Variants in EVPL observed in about 807,000 individuals in gnomAD.
The protein encoded by EVPL is 210 kDa cornified envelope precursor protein.
A neutral mutation model predicts 129.7 loss-of-function variants in EVPL; 94 were observed. The ratio of observed to expected loss-of-function variants is 0.72; its 90% CI spans 0.61 to 0.86. The LOEUF is 0.86. EVPL is among the 40% of genes least tolerant of loss of function. The probability of loss-of-function intolerance (pLI) is 0.00; values close to 1 mark genes in which losing one functional copy is unlikely to be tolerated. For missense variants in EVPL, 2,625 were observed against 2,721.1 expected (o/e 0.96, Z 0.79); for synonymous variants, 1,172 against 1,191.1 (o/e 0.98, Z 0.33).
chr17:76,014,638 C>T (rs1266363659), intron 17 of EVPL, 62 bp from the exon 18 acceptor site: 20 of 1,571,106 alleles, frequency 1.3e-5, no homozygotes, highest in Non-Finnish European at 1.7e-5. Context: ...GGGGCAGGTG[C>T]ACAGGGAGGC....
In EVPL at chr17:76,009,891, C is replaced by T. The variant is rs115192818; in HGVS notation, c.3314G>A (p.Arg1105Gln). 19 of 1,614,134 alleles carry T rather than the reference C, an allele frequency of 1.2e-5. 1 individual carries two copies. The highest frequency in any genetic ancestry group is 6.7e-5 in the African/African-American group (5 of 75,050). ...LRLQMEEDAA[R>Q]RKQAEEAVAK... ...CACAGCCTCCTCCGCCTGCTTCCTC[C>T]GCGCAGCATCCTCCTCCATCTGCAG... The change falls in exon 22 of 22, where the codon CGG (arginine) becomes CAG (glutamine). Residue 1105 changes from arginine (R) to glutamine (Q), a missense_variant. Arg to Gln is a conservative substitution (Grantham distance 43). Coordinates refer to ENST00000301607, the MANE Select transcript of EVPL (RefSeq NM_001988.4). This position sits in a 1 kb window ranked among gnomAD's most constrained non-coding sequence, Gnocchi z 5.9.
chr17:76,014,563 G>T lies in EVPL; in HGVS notation c.2236C>A (p.Gln746Lys). The T allele has an allele frequency of 6.2e-7, 1 of 1,612,252 alleles. No individual in the cohort carries two copies. Among genetic ancestry groups the T allele is most frequent in the Non-Finnish European group, 8.5e-7 (1 of 1,179,620 alleles). ...DQLDLREKVV[Q>K]DAALTYQQFK... The stretch of plus-strand genomic sequence containing the variant: ...TGCTGGTAGGTGAGGGCGGCATCCT[G>T]CACCACCTTCTCCCTGCAGGAGGAC... The change falls in exon 18 of 22, where the codon CAG (glutamine) becomes AAG (lysine). Residue 746 changes from glutamine (Q) to lysine (K), a missense_variant. Gln to Lys is a moderately conservative substitution (Grantham distance 53, BLOSUM62 1). This residue lies in a region of EVPL where 1,024 missense variants were observed against 997.5 expected (regional missense o/e 1.03). Coordinates refer to ENST00000301607, the MANE Select transcript of EVPL (RefSeq NM_001988.4).
rs1452331635 is a variant in EVPL at position 76,022,576 on chromosome 17, C to T, written c.481-38G>A. ...CGGCGGCTCAGTCCCCAAAGGACCG[C>T]GGTGGGGAGCCAGAGAACCCCACAC... On this transcript the variant is annotated intron_variant, in intron 4 of 21. Coordinates refer to ENST00000301607, the MANE Select transcript of EVPL (RefSeq NM_001988.4). This position sits in a 1 kb window ranked among gnomAD's most constrained non-coding sequence, Gnocchi z 5.6. 2.6e-6 allele frequency: 4 copies of T among 1,560,144 alleles called. No homozygotes were observed. The highest frequency in any genetic ancestry group is 1.2e-5 in the South Asian group (1 of 85,912).
Position 76,008,168 on chromosome 17 carries a change from C to T in EVPL, c.5037G>A (p.Glu1679=), listed in dbSNP as rs757573467. Residue 1679 remains glutamate (E), a synonymous_variant, in exon 22 of 22, where the codon GAG becomes GAA. Coordinates refer to ENST00000301607, the MANE Select transcript of EVPL (RefSeq NM_001988.4). This position sits in a 1 kb window ranked among gnomAD's most constrained non-coding sequence, Gnocchi z 7.4. The part of the protein sequence containing the change: ...EELSQETQTR[E]TNLSTKISIL... ...TGGAGATCTTGGTGGAAAGGTTGGT[C>T]TCTCGCGTCTGGGTCTCCTGGCTGA... The T allele has an allele frequency of 1.2e-6, 2 of 1,614,028 alleles. No homozygotes were observed. The highest frequency in any genetic ancestry group is 1.1e-5 in the South Asian group (1 of 91,084).
chr17:76,022,412 C>G lies in EVPL; in HGVS notation c.606+1G>C, dbSNP rs746047975. ...ATGTGACATCCTCCAGGCTCACCTACCGGCCCCACGAGGCTCCGCAGCTGC... is the reference window on the plus strand; with the variant it reads ...ATGTGACATCCTCCAGGCTCACCTAGCGGCCCCACGAGGCTCCGCAGCTGC... On this transcript the variant is annotated splice_donor_variant, in intron 5 of 21. Transcript: ENST00000301607. LOFTEE classifies it high-confidence loss of function. This position sits in a 1 kb window ranked among gnomAD's most constrained non-coding sequence, Gnocchi z 5.6. 6.2e-7 allele frequency: 1 copy of G among 1,613,646 alleles called. No individual in the cohort carries two copies. The highest frequency in any genetic ancestry group is 2.2e-5 in the East Asian group (1 of 44,876).
intron 1 of EVPL, among the ~76,000 whole-genome samples, chr17:76,026,232 T>C (rs919758756): frequency 2.1e-5 from 3 of 143,698 alleles, no homozygotes; most frequent in Non-Finnish European, 4.5e-5. Context: ...GCGTGAGGTA[T>C]TGCGCCAGGA....
chr17:76,010,438 C>T lies in EVPL; in HGVS notation c.2767G>A (p.Glu923Lys). The change falls in exon 22 of 22, where the codon GAG becomes AAG. Residue 923 changes from glutamate (E) to lysine (K), a missense_variant. Around this residue, in one of 4 missense-constraint regions of EVPL, gnomAD observed 1,453 missense variants for 1,511.8 expected, o/e 0.96. Transcript: ENST00000301607. ...ESEALKAQLE[E>K]ERKRVARVQH... Reference sequence around the variant, plus strand: ...ACCCGGGCCACCCGCTTCCTCTCCTCTTCCAGCTGGGCCTTCAGGGCCTCT... The same window carrying T: ...ACCCGGGCCACCCGCTTCCTCTCCTTTTCCAGCTGGGCCTTCAGGGCCTCT... 1 of 1,614,066 alleles carries T rather than the reference C, an allele frequency of 6.2e-7. No individual in the cohort carries two copies. The highest frequency in any genetic ancestry group is 8.5e-7 in the Non-Finnish European group (1 of 1,180,016).
In EVPL at chr17:76,013,393, C is replaced by T. The variant is rs1442752565; in HGVS notation, c.2373+1033G>A. 2.0e-5 allele frequency among the ~76,000 whole-genome samples: 3 copies of T among 152,260 alleles called. No homozygotes were observed. The highest frequency in any genetic ancestry group is 3.9e-4 in the East Asian group (2 of 5,176). On this transcript the variant is annotated intron_variant, in intron 18 of 21. Coordinates refer to ENST00000301607, the MANE Select transcript of EVPL (RefSeq NM_001988.4). The surrounding 1 kb of genome is among the most constrained non-coding windows in gnomAD (Gnocchi z 4.3). The stretch of plus-strand genomic sequence containing the variant: ...CACGAGCTCCTAGGGGAACCCCCAG[C>T]CCCAGTTCCCTCCCATATGCCTACG...
At position 76,022,255 on chromosome 17, in the gene EVPL, C is replaced by A. The variant is rs1246554068; in HGVS notation, c.607-28G>T. ...GCCTCGACCAAGGGGAGAAACAAGC[C>A]CGTGAGAGGTGGGGTGCAGGGAGAC... On this transcript the variant is annotated intron_variant, in intron 5 of 21. Transcript: ENST00000301607. This position sits in a 1 kb window ranked among gnomAD's most constrained non-coding sequence, Gnocchi z 5.6. 2 of 1,612,714 alleles carry A rather than the reference C, an allele frequency of 1.2e-6. No individual in the cohort carries two copies. The highest frequency in any genetic ancestry group is 1.3e-5 in the African/African-American group (1 of 75,010).
chr17:76,012,710 G>C (rs894153648), intron 18 of EVPL, among the ~76,000 whole-genome samples: 2 of 151,574 alleles, frequency 1.3e-5, no homozygotes, highest in African/African-American at 4.9e-5. Context: ...AGCAGGTCCG[G>C]GTGGCCCTGA....
Position 76,011,755 on chromosome 17 carries a change from G to T in EVPL, c.2568+17C>A. ...CTGGTGTCAAGGTCCACTGAGCCCC[G>T]CAAGGTCCCATCTCACCTGGGCTTG... is the stretch of plus-strand genomic sequence containing the variant. On this transcript the variant is annotated intron_variant, in intron 20 of 21. Transcript: ENST00000301607. 6.2e-7 allele frequency: 1 copy of T among 1,610,550 alleles called. No individual in the cohort carries two copies. The highest frequency in any genetic ancestry group is 1.7e-4 in the Middle Eastern group (1 of 6,046).
chr17:76,016,233 A>G (rs1366085004), intron 14 of EVPL, among the ~76,000 whole-genome samples: 1 of 152,276 alleles, frequency 6.6e-6, no homozygotes, highest in Non-Finnish European at 1.5e-5. Context: ...CGCCAGGCAC[A>G]GTTACCTACA....
chr17:76,021,596 G>GCCCCCCCCCCCCCCCCCCCCC (rs200115767), intron 8 of EVPL, 33 bp from the exon 9 acceptor site: 2 of 1,379,530 alleles, frequency 1.4e-6, no homozygotes, highest in Non-Finnish European at 1.9e-6. Flanking sequence ...CTCGGACCAC[G>GCCCCCCCCCCCCCCCCCCCCC]CCCCCCCCAC....
rs199792999 is a variant in EVPL at position 76,011,639 on chromosome 17, C to T, written c.2598G>A (p.Glu866=). The T allele has an allele frequency of 3.7e-5, 60 of 1,614,186 alleles. No homozygotes were observed. In the East Asian group the frequency reaches 7.8e-4, roughly 21 times the overall value. The stretch of plus-strand genomic sequence containing the variant: ...GCAGCTGCTGCTGTGCTGCTGCAAC[C>T]TCAGTATAGGCCTTTGCAAGGTTCT... ...QEKNLAKAYT[E]VAAAQQQLLQ... is the part of the protein sequence containing the mutation. Residue 866 remains glutamate, a synonymous_variant, in exon 21 of 22, where the codon GAG becomes GAA. Coordinates refer to ENST00000301607, the MANE Select transcript of EVPL (RefSeq NM_001988.4).
intron 1 of EVPL, among the ~76,000 whole-genome samples, chr17:76,026,140 C>A (rs1480615492): frequency 6.6e-6 from 1 of 151,862 alleles, no homozygotes; most frequent in African/African-American, 2.4e-5. Flanking sequence ...GACGGGATTT[C>A]ATCATGTTGC....
In EVPL at chr17:76,010,299, T is replaced by G; in HGVS notation, c.2906A>C (p.Glu969Ala). 6.2e-7 allele frequency: 1 copy of G among 1,613,892 alleles called. No individual in the cohort carries two copies. Among genetic ancestry groups the G allele is most frequent in the South Asian group, 1.1e-5 (1 of 91,076 alleles). ...GGCCTTCACCCTGGACAGGCTGCCC[T>G]CCAGCTGGGGGTCCCGGTAGAACTC... is the stretch of plus-strand genomic sequence containing the variant. ...VVEFYRDPQLEGSLSRVKAQV... is the reference protein window; with the variant it reads ...VVEFYRDPQLAGSLSRVKAQV... The change falls in exon 22 of 22, where the codon GAG becomes GCG. Residue 969 changes from glutamate (E) to alanine (A), a missense_variant. Glu to Ala is a moderately radical substitution (Grantham distance 107, BLOSUM62 -1). Transcript: ENST00000301607.
rs751036834 is a variant in EVPL, at chr17:76,015,555, G to C, written c.1784C>G (p.Ser595Cys). Reference sequence around the variant, plus strand: ...GGCAGCGGGGCCCACGGGCCGCGTGGACAGAAACGCCTCGCACTCCTTCTG... The same window carrying C: ...GGCAGCGGGGCCCACGGGCCGCGTGCACAGAAACGCCTCGCACTCCTTCTG... Reference protein sequence around the residue: ...TAQKECEAFLSTRPVGPAALQ... With the variant: ...TAQKECEAFLCTRPVGPAALQ... The change falls in exon 15 of 22, where the codon TCC (serine) becomes TGC (cysteine). Residue 595 changes from serine to cysteine, a missense_variant. Ser to Cys is a moderately radical substitution (Grantham distance 112). Around this residue, in one of 4 missense-constraint regions of EVPL, gnomAD observed 1,024 missense variants for 997.5 expected, o/e 1.03. Coordinates refer to ENST00000301607, the MANE Select transcript of EVPL (RefSeq NM_001988.4). The C allele has an allele frequency of 1.9e-6, 3 of 1,613,230 alleles. No homozygotes were observed. The highest frequency in any genetic ancestry group is 2.5e-6 in the Non-Finnish European group (3 of 1,180,030).
rs148193152 is a variant in EVPL at position 76,023,540 on chromosome 17, G to T, written c.313C>A (p.Arg105=). 2 of 1,613,348 alleles carry T rather than the reference G, an allele frequency of 1.2e-6. No homozygotes were observed. The highest frequency in any genetic ancestry group is 1.7e-6 in the Non-Finnish European group (2 of 1,179,924). The change falls in exon 3 of 22, where the codon CGG becomes AGG. Residue 105 remains arginine, a synonymous_variant. Coordinates refer to ENST00000301607, the MANE Select transcript of EVPL (RefSeq NM_001988.4). The part of the protein sequence containing the change: ...KDLFLDVDKA[R]RLKHPQAEEI... ...TCAGCCTGCGGGTGCTTGAGCCGCC[G>T]GGCCTTGTCCACGTCCAGGAAGAGG...
In EVPL at chr17:76,019,001, G is replaced by T. The variant is rs1175805262; in HGVS notation, c.1197C>A (p.Ser399Arg). ...ERATGDLQRR[S>R]RDVAPLPQRR... ...GCTGTGGCAGAGGGGCCACATCCCGGCTTCGCCGCTGCAGGTCCCCAGTGG... is the reference window on the plus strand; with the variant it reads ...GCTGTGGCAGAGGGGCCACATCCCGTCTTCGCCGCTGCAGGTCCCCAGTGG... Residue 399 changes from serine to arginine, a missense_variant, in exon 11 of 22, where the codon AGC becomes AGA. Transcript: ENST00000301607. The T allele has an allele frequency of 7.0e-6, 11 of 1,570,552 alleles. No individual in the cohort carries two copies. Among genetic ancestry groups the T allele is most frequent in the African/African-American group, 2.8e-5 (2 of 71,586 alleles).
Sources: gnomAD v4.1 joint callset for allele counts (sites outside exome capture counted in the v4.1 genomes callset) on GRCh38, gnomAD v4.1.1 for gene constraint, gnomAD v4.1.1 regional missense constraint, Gnocchi (gnomAD v3.1) non-coding constraint, MANE v1.5 for transcripts, NCBI Gene and HGNC (gene_info 2026-07-23, HGNC 2026-07-21) for gene names.